GABPA: variants seen among roughly 807,000 people sequenced by gnomAD.
GABPA encodes GA binding protein transcription factor subunit alpha.
In GABPA, 4 loss-of-function variants were observed where a neutral mutation model predicts 59.4. That is an observed-to-expected ratio of 0.07 (90% CI 0.03 to 0.15). The LOEUF is 0.15. Among genes scored for constraint, GABPA ranks in the 10% least tolerant of loss-of-function variants. The probability of loss-of-function intolerance (pLI) is 1.00; values close to 1 mark genes in which losing one functional copy is unlikely to be tolerated. For missense variants in GABPA, 251 were observed against 543.8 expected, an observed-to-expected ratio of 0.46 and a Z score of 5.36; for synonymous variants, 164 against 183.1, an observed-to-expected ratio of 0.90 and a Z score of 0.84.
chr21:25,755,777 A>G (rs28654368), intron 5 of GABPA, among the ~76,000 whole-genome samples: 1 of 152,272 alleles, frequency 6.6e-6, no homozygotes, highest in South Asian at 2.1e-4. Flanking sequence ...GAGACCCTGG[A>G]GGTTCTAACC....
chr21:25,748,633 A>G (rs2035428712), intron 3 of GABPA, among the ~76,000 whole-genome samples: 2 of 152,212 alleles, frequency 1.3e-5, no homozygotes, highest in South Asian at 4.1e-4. Context: ...CAAGGCAGAT[A>G]TGACAAGAAT....
Position 25,762,353 on chromosome 21 carries a change from A to G in GABPA, c.790A>G (p.Thr264Ala), listed in dbSNP as rs370739443. Reference protein sequence around the residue: ...SQEQQMNEIVTIDQPVQIIPA... With the variant: ...SQEQQMNEIVAIDQPVQIIPA... ...AGAACAACAGATGAATGAAATAGTT[A>G]CAATTGATCAACGTGAGTATTTGTA... The change falls in exon 7 of 10, where the codon ACA becomes GCA. Residue 264 changes from threonine to alanine, a missense_variant. Transcript: ENST00000400075. 10 of 1,577,092 alleles carry G rather than the reference A, an allele frequency of 6.3e-6. No homozygotes were observed. Among genetic ancestry groups the G allele is most frequent in the East Asian group, 2.3e-5 (1 of 44,200 alleles).
intron 9 of GABPA, among the ~76,000 whole-genome samples, chr21:25,768,544 C>T (rs1290720572): frequency 6.6e-6 from 1 of 151,840 alleles, no homozygotes. Context: ...CCCTTTAATC[C>T]TCAACAATGA....
intron 9 of GABPA, among the ~76,000 whole-genome samples, chr21:25,765,394 TC>T (rs2035866512): frequency 6.6e-6 from 1 of 152,002 alleles, no homozygotes; most frequent in Non-Finnish European, 1.5e-5. Context: ...CACGAGTTTT[TC>T]TAAATAGCAT....
At chr21:25,763,933 A>C (rs2035825082) in intron 7 of GABPA, among the ~76,000 whole-genome samples, 1 of 2,980 alleles carries the variant, frequency 3.4e-4, no homozygotes, top group African/African-American at 3.7e-4. Flanking sequence ...ACATGTTTAA[A>C]TACTCTTTGT....
At chr21:25,747,558 A>T (rs752345624) in intron 3 of GABPA, among the ~76,000 whole-genome samples, 5 of 152,224 alleles carry the variant, frequency 3.3e-5, no homozygotes, top group Admixed American at 6.5e-5. Flanking sequence ...CTTCATGTCA[A>T]TGCAAACATA....
chr21:25,747,119 C>T (rs2123510959), intron 3 of GABPA, among the ~76,000 whole-genome samples: 1 of 152,300 alleles, frequency 6.6e-6, no homozygotes, highest in Middle Eastern at 3.4e-3. Context: ...CAATGTGTGG[C>T]TACAAAAGGG....
chr21:25,739,063 C>G (rs1346741406), intron 1 of GABPA, among the ~76,000 whole-genome samples: 1 of 152,224 alleles, frequency 6.6e-6, no homozygotes, highest in African/African-American at 2.4e-5. Flanking sequence ...ACGGAGCCTG[C>G]GCAGTCTGCT....
At chr21:25,757,408 TC>T (rs1394820491) in intron 5 of GABPA, among the ~76,000 whole-genome samples, 6 of 151,192 alleles carry the variant, frequency 4.0e-5, no homozygotes, top group Non-Finnish European at 8.8e-5. Flanking sequence ...ACTGTTAGGT[TC>T]TAAAGATAGA....
At position 25,764,312 on chromosome 21, in the gene GABPA, T is replaced by C. The variant is rs774280450; in HGVS notation, c.905T>C (p.Ile302Thr). Residue 302 changes from isoleucine (I) to threonine (T), a missense_variant, in exon 8 of 10, where the codon ATT becomes ACT. Physicochemically the swap from Ile to Thr is moderately conservative, Grantham distance 89. Around this residue, in one of 4 missense-constraint regions of GABPA, gnomAD observed 207 missense variants for 366.7 expected, o/e 0.56. Coordinates refer to ENST00000400075, the MANE Select transcript of GABPA (RefSeq NM_002040.4). Reference protein sequence around the residue: ...KAAKVQRAPRISGEDRSSPGN... With the variant: ...KAAKVQRAPRTSGEDRSSPGN... ...GCCAAAGTACAAAGAGCGCCGAGGATTTCAGGAGAAGATAGAAGCTCACCT... is the reference window on the plus strand; with the variant it reads ...GCCAAAGTACAAAGAGCGCCGAGGACTTCAGGAGAAGATAGAAGCTCACCT... The C allele has an allele frequency of 1.9e-6, 3 of 1,612,390 alleles. No individual in the cohort carries two copies. The highest frequency in any genetic ancestry group is 4.5e-5 in the East Asian group (2 of 44,830).
chr21:25,752,284 T>A (rs2035532097), intron 5 of GABPA, 50 bp downstream of exon 5: 1 of 1,573,664 alleles, frequency 6.4e-7, no homozygotes. Flanking sequence ...GAATTAAGCT[T>A]GACATAGAAG....
chr21:25,735,892 G>T (rs2035038178), intron 1 of GABPA, among the ~76,000 whole-genome samples: 1 of 152,056 alleles, frequency 6.6e-6, no homozygotes, highest in Non-Finnish European at 1.5e-5. Flanking sequence ...TCCCCTCCTC[G>T]CCCGTCCGCA....
At chr21:25,754,313 C>T (rs2035582408) in intron 5 of GABPA, among the ~76,000 whole-genome samples, 1 of 152,134 alleles carries the variant, frequency 6.6e-6, no homozygotes, top group South Asian at 2.1e-4. Context: ...CAGCCCTGAT[C>T]TTGATAATTG....
At chr21:25,752,386 T>A in intron 5 of GABPA, 152 bp downstream of exon 5, 1 of 858,742 alleles carries the variant, frequency 1.2e-6, no homozygotes, top group Non-Finnish European at 1.8e-6. Context: ...AACGCACATT[T>A]AAGCTCATGT....
At chr21:25,750,655 T>C (rs1334804739) in intron 4 of GABPA, among the ~76,000 whole-genome samples, 1 of 152,254 alleles carries the variant, frequency 6.6e-6, no homozygotes, top group Non-Finnish European at 1.5e-5. Flanking sequence ...TTCACAATTA[T>C]GTTTCACAAA....
Position 25,752,171 on chromosome 21 carries a change from A to T in GABPA, c.490A>T (p.Thr164Ser), listed in dbSNP as rs1173418644. 1 of 1,612,452 alleles carries T rather than the reference A, an allele frequency of 6.2e-7. No individual in the cohort carries two copies. The highest frequency in any genetic ancestry group is 8.5e-7 in the Non-Finnish European group (1 of 1,178,842). ...TTCAGATGAAACTTCAGAACAAGTG[A>T]CAAGATGGGCTGCTGCACTGGAAGG... ...TISDETSEQVTRWAAALEGYR... is the reference protein window; with the variant it reads ...TISDETSEQVSRWAAALEGYR... The change falls in exon 5 of 10, where the codon ACA (threonine) becomes TCA (serine). Residue 164 changes from threonine to serine, a missense_variant. Around this residue, in one of 4 missense-constraint regions of GABPA, gnomAD observed 207 missense variants for 366.7 expected, o/e 0.56. Coordinates refer to ENST00000400075, the MANE Select transcript of GABPA (RefSeq NM_002040.4).
intron 1 of GABPA, among the ~76,000 whole-genome samples, chr21:25,739,729 T>C (rs892531764): frequency 1.3e-5 from 2 of 152,202 alleles, no homozygotes; most frequent in African/African-American, 4.8e-5. Flanking sequence ...ATCTTCTCAC[T>C]TCAGCCTCCC....
rs71649643 is a variant in GABPA at position 25,735,238 on chromosome 21, T to A, written c.-367T>A. 3.2e-3 allele frequency: 1,824 copies of A among 570,194 alleles called. 29 individuals are homozygous for A. The highest frequency in any genetic ancestry group is 0.03 in the African/African-American group (1,624 of 53,370). 35.3% of individuals were successfully genotyped at this position (570,194 alleles called of 1,614,324 possible). A position where few individuals can be genotyped will look rare whatever the true frequency, so the allele number is the denominator to read the frequency against. On this transcript the variant is annotated 5_prime_UTR_variant, in exon 1 of 10. Transcript: ENST00000400075. ...GAGTCAGCGTCCTGTTCGTTAGGGT[T>A]ATCGAAGTGTATAAAGGTGCAGGGA...
chr21:25,753,401 G>T (rs2035560600), intron 5 of GABPA, among the ~76,000 whole-genome samples: 1 of 152,090 alleles, frequency 6.6e-6, no homozygotes, highest in Non-Finnish European at 1.5e-5. Flanking sequence ...TGGAAAGCGA[G>T]AAATGGAAAA....
Sources: gnomAD v4.1 joint callset for allele counts (sites outside exome capture counted in the v4.1 genomes callset) on GRCh38, gnomAD v4.1.1 for gene constraint, gnomAD v4.1.1 regional missense constraint, MANE v1.5 for transcripts, NCBI Gene and HGNC (gene_info 2026-07-23, HGNC 2026-07-21) for gene names.